The following SNX29 variants were observed in gnomAD, a reference collection of about 807,000 sequenced individuals.
SNX29 encodes sorting nexin 29, also known as sorting nexin-29.
In SNX29, 78 loss-of-function variants were observed where a neutral mutation model predicts 102.1. That is an observed-to-expected ratio of 0.76 (90% CI 0.64 to 0.92). SNX29 has a LOEUF of 0.92. Ranked by LOEUF, SNX29 falls within the 40% of genes least tolerant of loss-of-function variation. The probability of loss-of-function intolerance (pLI) is 0.00; values close to 1 mark genes in which losing one functional copy is unlikely to be tolerated. For synonymous variants in SNX29, 580 were observed against 414.5 expected (o/e 1.40, Z -4.85); for missense variants, 1,280 against 1,061.7 (o/e 1.21, Z -2.86).
At chr16:12,037,623 G>T (rs915480016) in intron 4 of SNX29, among the ~76,000 whole-genome samples, 9 of 152,128 alleles carry the variant, frequency 5.9e-5, no homozygotes. Context: ...AGTGGAATGT[G>T]TTTCCCGTAG....
At chr16:12,538,700 G>A (rs776910693) in intron 20 of SNX29, among the ~76,000 whole-genome samples, 2 of 152,170 alleles carry the variant, frequency 1.3e-5, no homozygotes, top group African/African-American at 4.8e-5. Context: ...CAGTGGGCGA[G>A]CCTGGGCATG....
intron 18 of SNX29, among the ~76,000 whole-genome samples, chr16:12,450,156 A>G (rs924551207): frequency 6.6e-6 from 1 of 152,198 alleles, no homozygotes; most frequent in African/African-American, 2.4e-5. Context: ...CTCCCCAGCC[A>G]TGTAGAACTG....
intron 4 of SNX29, among the ~76,000 whole-genome samples, chr16:12,030,219 T>C (rs1352343253): frequency 4.4e-4 from 67 of 152,364 alleles, no homozygotes; most frequent in Non-Finnish European, 7.1e-4. Context: ...CTTGTTTCTA[T>C]GCATACTGTT....
At chr16:12,163,352 G>A (rs1020404333) in intron 13 of SNX29, among the ~76,000 whole-genome samples, 1 of 152,132 alleles carries the variant, frequency 6.6e-6, no homozygotes, top group African/African-American at 2.4e-5. Context: ...TAGCAGGGAG[G>A]AGGGCTTTAC....
At chr16:12,292,335 C>T (rs2079826470) in intron 15 of SNX29, among the ~76,000 whole-genome samples, 1 of 152,174 alleles carries the variant, frequency 6.6e-6, no homozygotes, top group Non-Finnish European at 1.5e-5. Context: ...GTTTCAGATG[C>T]TACAATTAAT....
At chr16:11,986,997 G>A (rs1034874337) in intron 1 of SNX29, among the ~76,000 whole-genome samples, 6 of 152,148 alleles carry the variant, frequency 3.9e-5, no homozygotes, top group Non-Finnish European at 8.8e-5. Context: ...GTGTTATTAC[G>A]GAAAAGCTTC....
Position 12,574,021 on chromosome 16 carries a change from C to T in SNX29, c.*5392C>T, listed in dbSNP as rs1411358199. On this transcript the variant is annotated 3_prime_UTR_variant, in exon 21 of 21. Transcript: ENST00000566228. ...TGCACCCCCTTAAGGGTAAGCAGGC[C>T]ACATATCTAGAGTCTGATAGTCTGT... The T allele has an allele frequency of 2.0e-5, 4 of 197,222 alleles. No individual in the cohort carries two copies. Among genetic ancestry groups the T allele is most frequent in the African/African-American group, 9.2e-5 (4 of 43,304 alleles). 12.2% of individuals were successfully genotyped at this position (197,222 alleles called of 1,614,324 possible).
chr16:12,478,684 T>C (rs1281330628), intron 19 of SNX29, among the ~76,000 whole-genome samples: 1 of 152,204 alleles, frequency 6.6e-6, no homozygotes, highest in Non-Finnish European at 1.5e-5. Flanking sequence ...CATCATGATG[T>C]CACTCCTCAT....
chr16:12,277,047 C>G (rs1183100285), intron 14 of SNX29, among the ~76,000 whole-genome samples: 1 of 152,166 alleles, frequency 6.6e-6, no homozygotes, highest in Non-Finnish European at 1.5e-5. Context: ...GGCCCTACCT[C>G]ACTGGATCAC....
At chr16:12,535,873 A>C (rs965939231) in intron 20 of SNX29, among the ~76,000 whole-genome samples, 6 of 152,150 alleles carry the variant, frequency 3.9e-5, no homozygotes, top group African/African-American at 1.4e-4. Flanking sequence ...GGTGCTGTCC[A>C]AGGTCCTACC....
chr16:12,214,012 C>A (rs1055878613), intron 14 of SNX29, among the ~76,000 whole-genome samples: 4 of 152,122 alleles, frequency 2.6e-5, no homozygotes, highest in African/African-American at 7.2e-5. Context: ...CTTGGGAAAA[C>A]GTCATCAAAT....
intron 15 of SNX29, among the ~76,000 whole-genome samples, chr16:12,300,949 A>G (rs942790015): frequency 1.3e-5 from 2 of 152,138 alleles, no homozygotes; most frequent in Non-Finnish European, 2.9e-5. Flanking sequence ...CCCTCCTTTG[A>G]GGACCACTGG....
intron 14 of SNX29, among the ~76,000 whole-genome samples, chr16:12,245,763 G>T (rs944008047): frequency 2.6e-5 from 4 of 152,000 alleles, no homozygotes; most frequent in African/African-American, 7.3e-5. Flanking sequence ...CACTTGTGTT[G>T]GCAGCTCTGG....
In SNX29 at chr16:12,557,887, C is replaced by A. The variant is rs188670018; in HGVS notation, c.2319-10619C>A. The stretch of plus-strand genomic sequence containing the variant: ...TCCAGCGAGTGGAGGAGGGCCTCTG[C>A]AGGCAACTGGAGGATTCTCAAGTCG... On this transcript the variant is annotated intron_variant, in intron 20 of 20. Coordinates refer to ENST00000566228, the MANE Select transcript of SNX29 (RefSeq NM_032167.5). Among the ~76,000 whole-genome samples the A allele has an allele frequency of 3.3e-3, 499 of 152,276 alleles. 2 individuals are homozygous for A. The highest frequency in any genetic ancestry group is 0.011 in the African/African-American group (471 of 41,528).
chr16:12,554,103 C>T (rs1414229053), intron 20 of SNX29, among the ~76,000 whole-genome samples: 1 of 152,240 alleles, frequency 6.6e-6, no homozygotes, highest in African/African-American at 2.4e-5. Flanking sequence ...CTTGGGATTA[C>T]AGGTCTAAGC....
At chr16:12,538,621 C>T (rs540611036) in intron 20 of SNX29, among the ~76,000 whole-genome samples, 11 of 152,174 alleles carry the variant, frequency 7.2e-5, no homozygotes, top group African/African-American at 2.6e-4. Context: ...AGGGCCTTGA[C>T]TAGGAAGAAT....
chr16:12,529,612 T>C (rs1023879905), intron 20 of SNX29, among the ~76,000 whole-genome samples: 4 of 152,176 alleles, frequency 2.6e-5, no homozygotes, highest in South Asian at 2.1e-4. Flanking sequence ...CAGAGTAATG[T>C]AGGTCACAGC....
chr16:12,568,132 C>T (rs986308437), intron 20 of SNX29, among the ~76,000 whole-genome samples: 5 of 152,232 alleles, frequency 3.3e-5, no homozygotes, highest in Admixed American at 6.5e-5. Flanking sequence ...TAGTGTTCTC[C>T]AAAGTTGCCT....
chr16:12,528,538 C>G (rs1225348423), intron 20 of SNX29, among the ~76,000 whole-genome samples: 2 of 152,142 alleles, frequency 1.3e-5, no homozygotes, highest in Non-Finnish European at 2.9e-5. Flanking sequence ...GGTCACAGCA[C>G]CATTCCCCCA....
Sources: allele counts gnomAD v4.1 joint callset (sites outside exome capture counted in the v4.1 genomes callset), GRCh38; gene constraint gnomAD v4.1.1; transcripts MANE v1.5; gene names NCBI Gene and HGNC (gene_info 2026-07-23, HGNC 2026-07-21).